PDGFRA: variants seen among roughly 807,000 people sequenced by gnomAD.
PDGFRA encodes platelet-derived growth factor receptor alpha.
A neutral mutation model predicts 121.5 loss-of-function variants in PDGFRA; 25 were observed. That is an observed-to-expected ratio of 0.21 (90% confidence interval 0.15 to 0.29). The LOEUF (loss-of-function observed/expected upper bound fraction) is 0.29. Ranked by LOEUF, PDGFRA falls within the 10% of genes least tolerant of loss-of-function variation. PDGFRA has a pLI of 1.00. For missense variants in PDGFRA, 1,008 were observed against 1,345.1 expected (o/e 0.75, Z 3.92); for synonymous variants, 463 against 494.8 (o/e 0.94, Z 0.85).
At chr4:54,261,470 T>G in intron 3 of PDGFRA, 58 bp downstream of exon 3, 1 of 1,169,228 alleles carries the variant, frequency 8.6e-7, no homozygotes, top group South Asian at 1.3e-5. Context: ...TCCTGTTAAA[T>G]GTACTAAGGT....
intron 9 of PDGFRA, 66 bp from the exon 10 acceptor site, chr4:54,273,471 C>T (rs964611785): frequency 4.7e-6 from 6 of 1,279,646 alleles, no homozygotes; most frequent in African/African-American, 2.9e-5. Context: ...AGAGTGTTCC[C>T]GTGGCTCCAC....
At chr4:54,255,212 G>A (rs1334161391) in intron 1 of PDGFRA, among the ~76,000 whole-genome samples, 1 of 152,164 alleles carries the variant, frequency 6.6e-6, no homozygotes, top group Non-Finnish European at 1.5e-5. Flanking sequence ...AACACAGCAT[G>A]CACATGCAAA....
At chr4:54,290,685 C>A (rs1724586985) in intron 22 of PDGFRA, 131 bp downstream of exon 22, 1 of 1,007,624 alleles carries the variant, frequency 9.9e-7, no homozygotes. Flanking sequence ...TTGCAGAATC[C>A]TCAGGAGGTC....
intron 7 of PDGFRA, among the ~76,000 whole-genome samples, chr4:54,268,171 C>T (rs768347823): frequency 2.6e-5 from 4 of 152,182 alleles, no homozygotes; most frequent in African/African-American, 9.7e-5. Flanking sequence ...AATCTGGAAC[C>T]CATTTGCCCT....
chr4:54,288,168 G>A (rs1010415272), intron 19 of PDGFRA, among the ~76,000 whole-genome samples: 4 of 152,196 alleles, frequency 2.6e-5, no homozygotes, highest in African/African-American at 9.6e-5. Context: ...TGAGTAAAGA[G>A]AAAGGAGTCC....
chr4:54,244,069 G>A (rs1055843312), intron 1 of PDGFRA, among the ~76,000 whole-genome samples: 1 of 152,220 alleles, frequency 6.6e-6, no homozygotes, highest in African/African-American at 2.4e-5. Flanking sequence ...TGGGAAGCTC[G>A]AACAGGGTGG....
rs566438915 is a variant in PDGFRA at position 54,247,187 on chromosome 4, G to A, written c.-12-11570G>A. Among the ~76,000 whole-genome samples the A allele has an allele frequency of 3.4e-3, 510 of 152,186 alleles. 7 individuals are homozygous for A. The South Asian group carries it at 0.042, about 13-fold the overall frequency. ...CCTTCTGAAACTATTCCAATCAATAGAAAAAGAGGGAATCCTCCCTAACTC... is the reference window on the plus strand; with the variant it reads ...CCTTCTGAAACTATTCCAATCAATAAAAAAAGAGGGAATCCTCCCTAACTC... On this transcript the variant is annotated intron_variant, in intron 1 of 22. Coordinates refer to ENST00000257290, the MANE Select transcript of PDGFRA (RefSeq NM_006206.6).
At chr4:54,276,429 G>A (rs1723730190) in intron 12 of PDGFRA, among the ~76,000 whole-genome samples, 1 of 152,152 alleles carries the variant, frequency 6.6e-6, no homozygotes. Context: ...TTGGTAAATC[G>A]GCTCTGTCTA....
At chr4:54,278,319 C>A (rs1400836867) in intron 14 of PDGFRA, 43 bp from the exon 15 acceptor site, 1 of 1,507,280 alleles carries the variant, frequency 6.6e-7, no homozygotes, top group Admixed American at 1.7e-5. Flanking sequence ...CTTTTCTGTT[C>A]TTCATTTTCA....
At chr4:54,257,712 A>G (rs1033255487) in intron 1 of PDGFRA, among the ~76,000 whole-genome samples, 3 of 152,318 alleles carry the variant, frequency 2.0e-5, no homozygotes, top group African/African-American at 7.2e-5. Context: ...AGTGACTTCA[A>G]GGGAGAAATG....
chr4:54,283,461 G>A (rs1238983388), intron 16 of PDGFRA, among the ~76,000 whole-genome samples: 1 of 152,220 alleles, frequency 6.6e-6, no homozygotes, highest in African/African-American at 2.4e-5. Context: ...TCATAGGGAT[G>A]CAGGGAGCAG....
intron 5 of PDGFRA, among the ~76,000 whole-genome samples, chr4:54,266,917 G>T (rs1485268948): frequency 6.6e-6 from 1 of 152,294 alleles, no homozygotes; most frequent in African/African-American, 2.4e-5. Context: ...AGGAGGTTGG[G>T]GCTGCAGTGA....
rs1046079554 is a variant in PDGFRA, at chr4:54,263,815, C to T, written c.516C>T (p.Tyr172=). 8.7e-6 allele frequency: 14 copies of T among 1,613,842 alleles called. No homozygotes were observed. The highest frequency in any genetic ancestry group is 1.6e-4 in the Middle Eastern group (1 of 6,082). ...HNSEGVVPAS[Y]DSRQGFNGTF... ...GTGAGGGGGTGGTACCTGCCTCCTACGACAGCAGACAGGGCTTTAATGGGA... is the reference window on the plus strand; with the variant it reads ...GTGAGGGGGTGGTACCTGCCTCCTATGACAGCAGACAGGGCTTTAATGGGA... Residue 172 remains tyrosine, a synonymous_variant, in exon 4 of 23, where the codon TAC becomes TAT. Transcript: ENST00000257290.
rs138047927 is a variant in PDGFRA at position 54,294,880 on chromosome 4, C to G, written c.3123-245C>G. Among the ~76,000 whole-genome samples, 329 of 152,234 alleles carry G rather than the reference C, an allele frequency of 2.2e-3. 10 individuals are homozygous for G. The East Asian group carries it at 0.056, about 26-fold the overall frequency. ...TGAGTAGGGAAAGTAGAAATTCTTG[C>G]AGCTTGTCAGTAACTTTGATGAAAG... On this transcript the variant is annotated intron_variant, in intron 22 of 22. Transcript: ENST00000257290.
intron 12 of PDGFRA, 86 bp from the exon 13 acceptor site, chr4:54,277,302 G>A (rs1723786232): frequency 1.1e-6 from 1 of 891,488 alleles, no homozygotes; most frequent in Non-Finnish European, 1.9e-6. Context: ...TCGCCCAGCT[G>A]TCCGCCCGCA....
At chr4:54,266,631 A>G (rs1156377780) in intron 5 of PDGFRA, among the ~76,000 whole-genome samples, 2 of 152,220 alleles carry the variant, frequency 1.3e-5, no homozygotes, top group Non-Finnish European at 1.5e-5. Flanking sequence ...AATTTATTAC[A>G]TTCTTTATCC....
chr4:54,262,148 T>G (rs1722782767), intron 3 of PDGFRA, among the ~76,000 whole-genome samples: 1 of 152,186 alleles, frequency 6.6e-6, no homozygotes. Flanking sequence ...CAGGCTGGTC[T>G]TGAACTCCTG....
At position 54,272,601 on chromosome 4, in the gene PDGFRA, T is replaced by C. The variant is rs972820339; in HGVS notation, c.1364+81T>C. On this transcript the variant is annotated intron_variant, in intron 9 of 22. Coordinates refer to ENST00000257290, the MANE Select transcript of PDGFRA (RefSeq NM_006206.6). The stretch of plus-strand genomic sequence containing the variant: ...ACAAATGATGTCAAATACATTTTAC[T>C]TATTGACTATAAGATAGGGTTTTGG... 6 of 1,493,740 alleles carry C rather than the reference T, an allele frequency of 4.0e-6. No homozygotes were observed. The East Asian group carries it at 1.4e-4, about 34-fold the overall frequency. 92.5% of individuals were successfully genotyped at this position (1,493,740 alleles called of 1,614,324 possible). A position where few individuals can be genotyped will look rare whatever the true frequency, so the allele number is the denominator to read the frequency against.
chr4:54,255,269 C>T (rs1454963331), intron 1 of PDGFRA, among the ~76,000 whole-genome samples: 2 of 152,158 alleles, frequency 1.3e-5, no homozygotes, highest in Non-Finnish European at 2.9e-5. Context: ...TCTACTCCAC[C>T]TCCCTTTCCC....
Sources: allele counts gnomAD v4.1 joint callset (sites outside exome capture counted in the v4.1 genomes callset), GRCh38; gene constraint gnomAD v4.1.1; transcripts MANE v1.5; gene names NCBI Gene and HGNC (gene_info 2026-07-23, HGNC 2026-07-21).